The following LIPF variants were observed in gnomAD, a reference collection of about 807,000 sequenced individuals.
LIPF encodes the protein gastric triacylglycerol lipase.
LIPF carries 25 observed loss-of-function variants against 38.0 expected under a neutral mutation model. The observed-to-expected ratio is 0.66, with a 90% CI of 0.48 to 0.92. The LOEUF (loss-of-function observed/expected upper bound fraction) is 0.92, where lower values mean the gene tolerates loss of function less well. Ranked by LOEUF, LIPF falls within the 40% of genes least tolerant of loss-of-function variation. The pLI is 0.00. For missense variants in LIPF, 410 were observed against 469.9 expected, an observed-to-expected ratio of 0.87 and a Z score of 1.18; for synonymous variants, 161 against 156.2, an observed-to-expected ratio of 1.03 and a Z score of -0.23.
chr10:88,674,406 G>A (rs1021539688), intron 7 of LIPF, among the ~76,000 whole-genome samples: 8 of 151,710 alleles, frequency 5.3e-5, no homozygotes, highest in Non-Finnish European at 1.2e-4. Flanking sequence ...CTGACCTCAT[G>A]ATCCACACGC....
At chr10:88,676,156 T>A in intron 8 of LIPF, 53 bp from the exon 9 acceptor site, 2 of 1,068,798 alleles carry the variant, frequency 1.9e-6, no homozygotes, top group South Asian at 3.0e-5. Flanking sequence ...TTGAATTTTA[T>A]TTTTCACAAT....
At chr10:88,666,023 T>C (rs1197780296) in intron 1 of LIPF, among the ~76,000 whole-genome samples, 2 of 152,176 alleles carry the variant, frequency 1.3e-5, no homozygotes, top group African/African-American at 4.8e-5. Context: ...AGGCATGAGC[T>C]ACCGCGCTCT....
intron 6 of LIPF, among the ~76,000 whole-genome samples, chr10:88,673,371 GC>G (rs1841633430): frequency 6.6e-6 from 1 of 152,136 alleles, no homozygotes; most frequent in Non-Finnish European, 1.5e-5. Flanking sequence ...AGTTCTCAGT[GC>G]CACAATAGAT....
intron 7 of LIPF, 88 bp downstream of exon 7, chr10:88,673,822 T>C: frequency 9.5e-7 from 1 of 1,050,016 alleles, no homozygotes; most frequent in Non-Finnish European, 1.4e-6. Context: ...TTATGAGAAC[T>C]AGGAGTAGGT....
chr10:88,675,742 G>T, intron 8 of LIPF, 85 bp downstream of exon 8: 1 of 930,062 alleles, frequency 1.1e-6, no homozygotes, highest in South Asian at 1.5e-5. Context: ...AAAATATCCT[G>T]CTGAGTACAC....
At position 88,668,549 on chromosome 10, in the gene LIPF, C is replaced by A; in HGVS notation, c.224-9C>A. ...CATTTATAAAGTTTATAAACATTTT[C>A]TTCCTTAGGCCAGAGACCTGTTGTG... On this transcript the variant is annotated splice_polypyrimidine_tract_variant and intron_variant, in intron 3 of 9. Coordinates refer to ENST00000238983, the MANE Select transcript of LIPF (RefSeq NM_004190.4). The A allele has an allele frequency of 6.2e-7, 1 of 1,612,828 alleles. No homozygotes were observed. The highest frequency in any genetic ancestry group is 1.3e-5 in the African/African-American group (1 of 75,010).
chr10:88,676,322 A>T, intron 9 of LIPF, 42 bp downstream of exon 9: 1 of 1,143,790 alleles, frequency 8.7e-7, no homozygotes, highest in Non-Finnish European at 1.3e-6. Flanking sequence ...TTTGAACAAC[A>T]ATACTAACTA....
Position 88,667,581 on chromosome 10 carries a change from ACTTATTG to A in LIPF, c.119_125del (p.Thr40ArgfsTer11). 3.2e-6 allele frequency: 5 copies of A among 1,573,590 alleles called. No homozygotes were observed. The highest frequency in any genetic ancestry group is 4.4e-6 in the Non-Finnish European group (5 of 1,145,330). Reference sequence around the variant, plus strand: ...TTTGCTTCCTCAGAGTCAGATGATTACTTATTGGGGATACCCAAATGAAGAATATGAA... The same window carrying A: ...TTTGCTTCCTCAGAGTCAGATGATTAGGGATACCCAAATGAAGAATATGAA... On this transcript the variant is annotated frameshift_variant, in exon 3 of 10. Coordinates refer to ENST00000238983, the MANE Select transcript of LIPF (RefSeq NM_004190.4). LOFTEE classifies it high-confidence loss of function.
At chr10:88,665,708 C>T (rs990208575) in intron 1 of LIPF, 38 of 546,858 alleles carry the variant, frequency 6.9e-5, no homozygotes, top group Middle Eastern at 5.8e-4. Context: ...TAAAATATCA[C>T]GGTAAAAACA....
intron 4 of LIPF, 121 bp from the exon 5 acceptor site, chr10:88,669,716 C>A (rs1841565598): frequency 1.5e-6 from 1 of 662,182 alleles, no homozygotes; most frequent in Non-Finnish European, 2.6e-6. Flanking sequence ...GGTCTATAAG[C>A]ATCAATGTTT....
At chr10:88,676,365 C>A (rs1020538513) in intron 9 of LIPF, 85 bp downstream of exon 9, 6 of 806,024 alleles carry the variant, frequency 7.4e-6, no homozygotes, top group African/African-American at 7.1e-5. Flanking sequence ...ATGTTAACTG[C>A]GCATCTGTTT....
Position 88,667,582 on chromosome 10 carries a change from C to T in LIPF, c.119C>T (p.Thr40Ile). ...EVTMNISQMI[T>I]YWGYPNEEYE... is the part of the protein sequence containing the mutation. Reference sequence around the variant, plus strand: ...TTGCTTCCTCAGAGTCAGATGATTACTTATTGGGGATACCCAAATGAAGAA... The same window carrying T: ...TTGCTTCCTCAGAGTCAGATGATTATTTATTGGGGATACCCAAATGAAGAA... The change falls in exon 3 of 10, where the codon ACT (threonine) becomes ATT (isoleucine). Residue 40 changes from threonine to isoleucine, a missense_variant. Thr to Ile is a moderately conservative substitution (Grantham distance 89). Coordinates refer to ENST00000238983, the MANE Select transcript of LIPF (RefSeq NM_004190.4). 6.3e-7 allele frequency: 1 copy of T among 1,578,080 alleles called. No individual in the cohort carries two copies. The highest frequency in any genetic ancestry group is 8.7e-7 in the Non-Finnish European group (1 of 1,148,840).
chr10:88,678,411 C>A, intron 9 of LIPF, 34 bp from the exon 10 acceptor site: 1 of 1,496,138 alleles, frequency 6.7e-7, no homozygotes, highest in Non-Finnish European at 9.3e-7. Flanking sequence ...AGTGTGGTTA[C>A]CTAAACTCTG....
intron 8 of LIPF, 91 bp from the exon 9 acceptor site, chr10:88,676,118 A>C (rs1841682337): frequency 9.9e-6 from 7 of 705,600 alleles, no homozygotes; most frequent in Non-Finnish European, 1.6e-5. Context: ...ATAATTGTTT[A>C]AATTGAAAAT....
chr10:88,671,271 T>TAAC (rs1841592149), intron 5 of LIPF, among the ~76,000 whole-genome samples: 1 of 152,164 alleles, frequency 6.6e-6, no homozygotes, highest in Non-Finnish European at 1.5e-5. Context: ...CTTTAGTTCC[T>TAAC]AACAATCTAA....
At position 88,667,395 on chromosome 10, in the gene LIPF, TG is replaced by T. The variant is rs1564956797; in HGVS notation, c.99del (p.Met33IlefsTer6). 1 of 1,574,138 alleles carries T rather than the reference TG, an allele frequency of 6.4e-7. No homozygotes were observed. The highest frequency in any genetic ancestry group is 1.1e-5 in the South Asian group (1 of 89,780). ...KLHPGSPEVT[M>X]NISQMITYWG... ...CATCCTGGAAGCCCTGAAGTGACTATGAACATTGTAAGTTACTCTGGGGAAA... is the reference window on the plus strand; with the variant it reads ...CATCCTGGAAGCCCTGAAGTGACTATAACATTGTAAGTTACTCTGGGGAAA... On this transcript the variant is annotated frameshift_variant, in exon 2 of 10. Coordinates refer to ENST00000238983, the MANE Select transcript of LIPF (RefSeq NM_004190.4). LOFTEE classifies it high-confidence loss of function.
chr10:88,675,825 TTTTTA>T (rs869202614), intron 8 of LIPF, among the ~76,000 whole-genome samples, 168 bp downstream of exon 8: 3 of 148,084 alleles, frequency 2.0e-5, no homozygotes, highest in South Asian at 2.4e-4. Flanking sequence ...AAGAAAATGC[TTTTTA>T]TTTTATTTTA....
Position 88,678,689 on chromosome 10 carries a change from T to C in LIPF, c.*8T>C, listed in dbSNP as rs542186465. On this transcript the variant is annotated 3_prime_UTR_variant, in exon 10 of 10. Transcript: ENST00000238983. The stretch of plus-strand genomic sequence containing the variant: ...TCAGAAGATAAAAAGTAGTTCTGGA[T>C]TTAAAGAATTATCCGTTTGTTTTTC... 1.9e-6 allele frequency: 3 copies of C among 1,551,276 alleles called. No homozygotes were observed. Among genetic ancestry groups the C allele is most frequent in the African/African-American group, 2.7e-5 (2 of 73,690 alleles).
intron 6 of LIPF, among the ~76,000 whole-genome samples, chr10:88,672,670 A>ACACACT (rs869259093): frequency 7.5e-4 from 83 of 110,534 alleles, no homozygotes; most frequent in Non-Finnish European, 1.0e-3. Flanking sequence ...ACACACACAC[A>ACACACT]CTCTCTCTCT....
Sources: allele counts gnomAD v4.1 joint callset (sites outside exome capture counted in the v4.1 genomes callset), GRCh38; gene constraint gnomAD v4.1.1; transcripts MANE v1.5; gene names NCBI Gene and HGNC (gene_info 2026-07-23, HGNC 2026-07-21).